The following POLA1 variants were observed in gnomAD, a reference collection of about 807,000 sequenced individuals.
POLA1 encodes the protein DNA polymerase alpha catalytic subunit.
Under a neutral mutation model 124.0 loss-of-function variants are expected in POLA1, and 15 were observed. That is an observed-to-expected ratio of 0.12 (90% CI 0.08 to 0.19). The LOEUF (loss-of-function observed/expected upper bound fraction) is 0.19. Ranked by LOEUF, POLA1 falls within the 10% of genes least tolerant of loss-of-function variation. The pLI is 1.00. For missense variants in POLA1, 886 were observed against 1,103.4 expected (o/e 0.80, Z 2.79); for synonymous variants, 408 against 389.4 (o/e 1.05, Z -0.56).
intron 10 of POLA1, among the ~76,000 whole-genome samples, chrX:24,718,152 TTGTC>T (rs752482016): frequency 8.9e-5 from 10 of 112,223 alleles, no homozygotes; most frequent in Non-Finnish European, 1.7e-4. Context: ...AGTCATTAAT[TTGTC>T]TGTTTCTTCA....
intron 26 of POLA1, among the ~76,000 whole-genome samples, chrX:24,795,920 A>G (rs1031959817): frequency 5.4e-5 from 6 of 111,758 alleles, no homozygotes; most frequent in African/African-American, 1.6e-4. Flanking sequence ...ATTTGATGTT[A>G]TAAAATCTAA....
chrX:24,925,651 CCCT>C (rs2047679042), intron 35 of POLA1, among the ~76,000 whole-genome samples: 1 of 112,299 alleles, frequency 8.9e-6, no homozygotes, highest in African/African-American at 3.2e-5. Context: ...TCAGCATTTC[CCCT>C]CCTCCAAACT....
Position 24,797,907 on chromosome X carries a change from G to A in POLA1, c.2965-11991G>A, listed in dbSNP as rs1157428217. 1.8e-5 allele frequency among the ~76,000 whole-genome samples: 2 copies of A among 108,593 alleles called. 1 individual carries two copies. Among genetic ancestry groups the A allele is most frequent in the Admixed American group, 2.0e-4 (2 of 10,132 alleles). 94.3% of individuals were successfully genotyped at this position (108,593 alleles called of 115,157 possible). A position where few individuals can be genotyped will look rare whatever the true frequency, so the allele number is the denominator to read the frequency against. On this transcript the variant is annotated intron_variant, in intron 26 of 36. Transcript: ENST00000379068. ...TAAAAAAAAAAAAAAAATTAGCCAG[G>A]CTTGGTGGGGTGCGCCTATAGTCCC...
intron 4 of POLA1, among the ~76,000 whole-genome samples, chrX:24,709,219 C>T (rs1323737316): frequency 4.0e-5 from 4 of 99,761 alleles, no homozygotes; most frequent in South Asian, 9.0e-4. Context: ...CCCTCCCGGA[C>T]AGGGCGGCTG....
chrX:24,878,299 C>G lies in POLA1; in HGVS notation c.4048-9707C>G, dbSNP rs956180914. On this transcript the variant is annotated intron_variant, in intron 34 of 36. Coordinates refer to ENST00000379068, the MANE Select transcript of POLA1 (RefSeq NM_001330360.2). ...TCGTTCACTACCCAAAGGCATATCA[C>G]TTGAAACCATACCAATAAATACTAG... Among the ~76,000 whole-genome samples the G allele has an allele frequency of 5.4e-5, 6 of 111,872 alleles. No individual in the cohort carries two copies. In the South Asian group the frequency reaches 2.2e-3, roughly 42 times the overall value.
chrX:24,764,666 G>A (rs532789777), intron 26 of POLA1, among the ~76,000 whole-genome samples: 5 of 112,062 alleles, frequency 4.5e-5, no homozygotes, highest in African/African-American at 1.6e-4. Flanking sequence ...TTAAAGTAGT[G>A]GGTACAAAAT....
At chrX:24,790,665 C>A (rs961709161) in intron 26 of POLA1, among the ~76,000 whole-genome samples, 5 of 110,347 alleles carry the variant, frequency 4.5e-5, no homozygotes, top group African/African-American at 6.6e-5. Context: ...TTCTCAACTG[C>A]AGCTTCATCT....
intron 2 of POLA1, among the ~76,000 whole-genome samples, chrX:24,700,612 G>A (rs1180702812): frequency 3.6e-5 from 4 of 111,950 alleles, no homozygotes; most frequent in African/African-American, 9.7e-5. Flanking sequence ...AGGTTCAAGC[G>A]ATTCTCCTGC....
chrX:24,939,930 T>C (rs2047893014), intron 36 of POLA1, among the ~76,000 whole-genome samples: 1 of 112,108 alleles, frequency 8.9e-6, no homozygotes, highest in Non-Finnish European at 1.9e-5. Flanking sequence ...CAAGGTCTTC[T>C]ATAATTCTGT....
intron 36 of POLA1, among the ~76,000 whole-genome samples, chrX:24,978,838 A>T (rs1487492256): frequency 1.8e-5 from 2 of 112,122 alleles, no homozygotes; most frequent in Non-Finnish European, 3.8e-5. Context: ...GATATCCCCA[A>T]ACTTCCTTAA....
chrX:24,710,560 G>A lies in POLA1; in HGVS notation c.347-3994G>A, dbSNP rs772708602. Among the ~76,000 whole-genome samples the A allele has an allele frequency of 5.4e-5, 6 of 110,434 alleles. No individual in the cohort carries two copies. The Admixed American group carries it at 5.8e-4, about 11-fold the overall frequency. ...GGATTGTTTCTACCTTTTGGCTATT[G>A]TATGTAGTGCTACTATGAACATTTG... On this transcript the variant is annotated intron_variant, in intron 4 of 36. Transcript: ENST00000379068.
At chrX:24,772,747 A>T (rs1036296012) in intron 26 of POLA1, among the ~76,000 whole-genome samples, 3 of 111,991 alleles carry the variant, frequency 2.7e-5, no homozygotes, top group African/African-American at 9.8e-5. Context: ...GCTGTAAATT[A>T]GTTCAACCGT....
chrX:24,703,590 A>T (rs1479314983), intron 3 of POLA1, among the ~76,000 whole-genome samples: 2 of 112,039 alleles, frequency 1.8e-5, no homozygotes, highest in East Asian at 5.6e-4. Context: ...ATGTAGTATA[A>T]ATCCTCCAGG....
At chrX:24,819,010 G>A (rs2046041029) in intron 30 of POLA1, among the ~76,000 whole-genome samples, 1 of 111,935 alleles carries the variant, frequency 8.9e-6, no homozygotes, top group Non-Finnish European at 1.9e-5. Flanking sequence ...TGCACCAGAC[G>A]TCTACAGATG....
chrX:24,951,693 A>C (rs994770392), intron 36 of POLA1, among the ~76,000 whole-genome samples: 4 of 111,539 alleles, frequency 3.6e-5, no homozygotes, highest in African/African-American at 1.3e-4. Flanking sequence ...TTAAAATATT[A>C]GTTATTATGT....
intron 35 of POLA1, among the ~76,000 whole-genome samples, chrX:24,893,870 C>G: frequency 9.0e-6 from 1 of 111,205 alleles, no homozygotes; most frequent in Non-Finnish European, 1.9e-5. Flanking sequence ...TTACATTTGG[C>G]CTGAATTTTT....
intron 6 of POLA1, among the ~76,000 whole-genome samples, chrX:24,715,600 C>T (rs1217890159): frequency 1.8e-5 from 2 of 112,165 alleles, no homozygotes; most frequent in Non-Finnish European, 3.8e-5. Flanking sequence ...GGCCTGTTGA[C>T]AGAATTTTTT....
In POLA1 at chrX:24,826,583, C is replaced by T. The variant is rs1426260753; in HGVS notation, c.3718C>T (p.Leu1240Phe). 8.3e-7 allele frequency: 1 copy of T among 1,198,072 alleles called. No homozygotes were observed. The highest frequency in any genetic ancestry group is 1.1e-6 in the Non-Finnish European group (1 of 887,307). The change falls in exon 32 of 37, where the codon CTC becomes TTC. Residue 1240 changes from leucine to phenylalanine, a missense_variant. Leu to Phe is a conservative substitution (Grantham distance 22). Around this residue, in one of 7 missense-constraint regions of POLA1, gnomAD observed 313 missense variants for 359.7 expected, o/e 0.87. Coordinates refer to ENST00000379068, the MANE Select transcript of POLA1 (RefSeq NM_001330360.2). ...CEPIDGIDAV[L>F]IATWLGLDPT... ...ACCAATAGACGGAATTGATGCTGTC[C>T]TCATTGCAACGTGGTTGGGTAAGTG...
chrX:24,836,542 T>G lies in POLA1; in HGVS notation c.3737-5110T>G, dbSNP rs1053796136. Among the ~76,000 whole-genome samples, 4 of 112,250 alleles carry G rather than the reference T, an allele frequency of 3.6e-5. No homozygotes were observed. The Admixed American group carries it at 3.8e-4, about 11-fold the overall frequency. On this transcript the variant is annotated intron_variant, in intron 32 of 36. Coordinates refer to ENST00000379068, the MANE Select transcript of POLA1 (RefSeq NM_001330360.2). ...AAGATAGTGTTTTCCATCTTCATTT[T>G]ACATGGTGGCATAGAGTTGTGGTTT...
Sources: gnomAD v4.1 joint callset for allele counts (sites outside exome capture counted in the v4.1 genomes callset) on GRCh38, gnomAD v4.1.1 for gene constraint, gnomAD v4.1.1 regional missense constraint, MANE v1.5 for transcripts, NCBI Gene and HGNC (gene_info 2026-07-23, HGNC 2026-07-21) for gene names.